The following NELL2 variants were observed in gnomAD, a reference collection of about 807,000 sequenced individuals.
NELL2 encodes the protein neural EGFL like 2, also known as protein kinase C-binding protein NELL2.
In NELL2, 41 loss-of-function variants were observed where a neutral mutation model predicts 109.6. The ratio of observed to expected loss-of-function variants is 0.37; its 90% CI spans 0.29 to 0.49. NELL2 has a LOEUF of 0.49. NELL2 is among the 20% of genes least tolerant of loss of function. The pLI is 0.98. For synonymous variants in NELL2, 355 were observed against 344.7 expected, an observed-to-expected ratio of 1.03 and a Z score of -0.33; for missense variants, 900 against 1,008.3, an observed-to-expected ratio of 0.89 and a Z score of 1.45.
intron 1 of NELL2, among the ~76,000 whole-genome samples, chr12:44,890,544 T>G (rs1181731043): frequency 2.0e-5 from 3 of 152,082 alleles, no homozygotes; most frequent in African/African-American, 7.2e-5. Flanking sequence ...ACCCCTTCTC[T>G]ATAGCTGTCT....
intron 2 of NELL2, among the ~76,000 whole-genome samples, chr12:44,838,548 G>A (rs1241700052): frequency 3.3e-5 from 5 of 152,106 alleles, no homozygotes; most frequent in Non-Finnish European, 5.9e-5. Context: ...AATAATAATA[G>A]TACACAGGTT....
chr12:44,771,955 C>T (rs1366837071), intron 9 of NELL2, among the ~76,000 whole-genome samples: 1 of 152,204 alleles, frequency 6.6e-6, no homozygotes, highest in African/African-American at 2.4e-5. Flanking sequence ...GGCAGAGTCA[C>T]ATTCAGCAGT....
chr12:44,780,439 C>T (rs774155711), intron 3 of NELL2, among the ~76,000 whole-genome samples: 1 of 151,682 alleles, frequency 6.6e-6, no homozygotes, highest in Non-Finnish European at 1.5e-5. Flanking sequence ...AAAAACTGGC[C>T]CCATCCCAAA....
At chr12:44,900,265 A>C (rs1418343889) in intron 1 of NELL2, among the ~76,000 whole-genome samples, 3 of 152,188 alleles carry the variant, frequency 2.0e-5, no homozygotes, top group Non-Finnish European at 4.4e-5. Flanking sequence ...AGCAGACCTA[A>C]TGGACATCTA....
Position 44,791,183 on chromosome 12 carries a change from CATATATATATATATATATATATAT to C in NELL2, c.336-11185_336-11162del, listed in dbSNP as rs748283455. 6.6e-4 allele frequency among the ~76,000 whole-genome samples: 10 copies of C among 15,098 alleles called. No homozygotes were observed. The East Asian group carries it at 0.021, about 31-fold the overall frequency. The allele number at this position is 15,098 out of a possible 152,430, so 9.9% of individuals were successfully genotyped here. A position where few individuals can be genotyped will look rare whatever the true frequency, so the allele number is the denominator to read the frequency against. On this transcript the variant is annotated intron_variant, in intron 3 of 19. Coordinates refer to ENST00000429094, the MANE Select transcript of NELL2 (RefSeq NM_001145108.2). ...CACACACACATATATAGTATTCCAT[CATATATATATATATATATATATAT>C]ATATATATATATATATATATGATGG...
At chr12:44,862,200 C>T (rs73088986) in intron 2 of NELL2, among the ~76,000 whole-genome samples, 3 of 152,178 alleles carry the variant, frequency 2.0e-5, no homozygotes, top group East Asian at 1.9e-4. Flanking sequence ...TCACCAGCAG[C>T]GCTTGCAGCT....
chr12:44,918,808 G>A (rs1220558952), upstream of NELL2, among the ~76,000 whole-genome samples: 1 of 151,976 alleles, frequency 6.6e-6, no homozygotes, highest in South Asian at 2.1e-4. Context: ...GAGATTAATG[G>A]CAGTCCTTAT....
intron 1 of NELL2, chr12:44,921,730 C>G (rs1179512636): frequency 6.6e-6 from 1 of 152,158 alleles, no homozygotes; most frequent in Non-Finnish European, 1.5e-5. Flanking sequence ...ATACAGCAGA[C>G]AATATTAGTG....
chr12:44,597,249 C>CA (rs1945001680), intron 15 of NELL2, among the ~76,000 whole-genome samples: 1 of 152,160 alleles, frequency 6.6e-6, no homozygotes. Context: ...TAGCTTTTTA[C>CA]AGCACCTTTC....
chr12:44,672,572 CTT>C (rs1250345605), intron 12 of NELL2, among the ~76,000 whole-genome samples: 1 of 152,142 alleles, frequency 6.6e-6, no homozygotes, highest in African/African-American at 2.4e-5. Context: ...AGCTATCAAA[CTT>C]TGTTAATTGA....
intron 19 of NELL2, among the ~76,000 whole-genome samples, chr12:44,513,552 T>C (rs1941097971): frequency 1.3e-5 from 2 of 151,962 alleles, no homozygotes; most frequent in African/African-American, 4.8e-5. Flanking sequence ...AATGAATAAA[T>C]GGTAAAACTT....
Position 44,508,533 on chromosome 12 carries a change from C to A in NELL2, c.*401G>T, listed in dbSNP as rs1374832282. On this transcript the variant is annotated 3_prime_UTR_variant, in exon 20 of 20. Transcript: ENST00000429094. ...TTCTGAAAATATAATTCATTCACTG[C>A]CTGACATTTTATTTCTTGCAGTGAG... The A allele has an allele frequency of 2.5e-5, 4 of 162,768 alleles. No individual in the cohort carries two copies. Among genetic ancestry groups the A allele is most frequent in the African/African-American group, 4.8e-5 (2 of 41,744 alleles). 10.1% of individuals were successfully genotyped at this position (162,768 alleles called of 1,614,324 possible). A position where few individuals can be genotyped will look rare whatever the true frequency, so the allele number is the denominator to read the frequency against.
At chr12:44,515,964 A>G (rs537645702) in intron 19 of NELL2, among the ~76,000 whole-genome samples, 84 of 152,002 alleles carry the variant, frequency 5.5e-4, no homozygotes, top group African/African-American at 1.8e-3. Context: ...AGTTAAATAA[A>G]GTGAATATGT....
chr12:44,520,209 C>T lies in NELL2; in HGVS notation c.2196G>A (p.Trp732Ter). 2 of 1,611,636 alleles carry T rather than the reference C, an allele frequency of 1.2e-6. No homozygotes were observed. Among genetic ancestry groups the T allele is most frequent in the Non-Finnish European group, 1.7e-6 (2 of 1,179,084 alleles). Residue 732 changes from tryptophan to a stop codon, truncating the protein, a stop_gained, in exon 19 of 20, where the codon TGG becomes TGA. Coordinates refer to ENST00000429094, the MANE Select transcript of NELL2 (RefSeq NM_001145108.2). LOFTEE classifies it high-confidence loss of function. ...ACTCCACATCTGGGCAAGGCAGGGG[C>T]CAACAATCAACTTCCCCTTGCTACA... Reference protein sequence around the residue: ...CRCLQGEVDCWPLPCPDVECE... With the variant: ...CRCLQGEVDC
chr12:44,888,584 A>C (rs1945500597), intron 1 of NELL2, among the ~76,000 whole-genome samples: 1 of 151,952 alleles, frequency 6.6e-6, no homozygotes, highest in African/African-American at 2.4e-5. Context: ...AAAGAAAAAA[A>C]ATTAAAATTA....
At chr12:44,906,946 A>G (rs1312691110) in intron 1 of NELL2, among the ~76,000 whole-genome samples, 2 of 152,126 alleles carry the variant, frequency 1.3e-5, no homozygotes, top group East Asian at 3.9e-4. Context: ...TGTAGTTTCC[A>G]TAATCCCCGT....
intron 1 of NELL2, among the ~76,000 whole-genome samples, chr12:44,920,080 A>T (rs570028490): frequency 6.6e-6 from 1 of 152,226 alleles, no homozygotes; most frequent in Admixed American, 6.5e-5. Flanking sequence ...AAAGAGGAAT[A>T]GTCACAGAGA....
At chr12:44,897,335 C>T (rs1401025125) in intron 1 of NELL2, among the ~76,000 whole-genome samples, 1 of 152,058 alleles carries the variant, frequency 6.6e-6, no homozygotes, top group Non-Finnish European at 1.5e-5. Flanking sequence ...CGTAAGATGG[C>T]CAAATAGGAA....
intron 15 of NELL2, among the ~76,000 whole-genome samples, chr12:44,548,704 T>C (rs1942906963): frequency 6.6e-6 from 1 of 152,156 alleles, no homozygotes. Context: ...TCTTTCAGAA[T>C]AAATAACAAT....
Sources: gnomAD v4.1 joint callset for allele counts (sites outside exome capture counted in the v4.1 genomes callset) on GRCh38, gnomAD v4.1.1 for gene constraint, MANE v1.5 for transcripts, NCBI Gene and HGNC (gene_info 2026-07-23, HGNC 2026-07-21) for gene names.